Variants in CYB5R3 observed in about 807,000 individuals in gnomAD.
The protein encoded by CYB5R3 is NADH-cytochrome b5 reductase 3.
Under a neutral mutation model 36.5 loss-of-function variants are expected in CYB5R3, and 28 were observed. The ratio of observed to expected loss-of-function variants is 0.77; its 90% CI spans 0.57 to 1.05. CYB5R3 has a LOEUF of 1.05. Among genes scored for constraint, CYB5R3 ranks in the 50% least tolerant of loss-of-function variants. The pLI is 0.00. For synonymous variants in CYB5R3, 181 were observed against 159.8 expected, an observed-to-expected ratio of 1.13 and a Z score of -1.00; for missense variants, 474 against 408.9, an observed-to-expected ratio of 1.16 and a Z score of -1.37.
In CYB5R3 at chr22:42,631,808, AG is replaced by A. The variant is rs1928636734; in HGVS notation, c.154-359del. 1.1e-5 allele frequency: 4 copies of A among 355,872 alleles called. No individual in the cohort carries two copies. The South Asian group carries it at 1.2e-4, about 11-fold the overall frequency. The allele number at this position is 355,872 out of a possible 1,614,324, so 22.0% of individuals were successfully genotyped here. A position where few individuals can be genotyped will look rare whatever the true frequency, so the allele number is the denominator to read the frequency against. Reference sequence around the variant, plus strand: ...AGCTCAAGCAGTGGCCTGAAGGGGCAGGAAGAACTTGAGGGCTGGATGGGCA... The same window carrying A: ...AGCTCAAGCAGTGGCCTGAAGGGGCAGAAGAACTTGAGGGCTGGATGGGCA... On this transcript the variant is annotated intron_variant, in intron 2 of 8. Coordinates refer to ENST00000352397, the MANE Select transcript of CYB5R3 (RefSeq NM_000398.7).
At chr22:42,622,959 A>T (rs899475712) in intron 8 of CYB5R3, among the ~76,000 whole-genome samples, 1 of 152,230 alleles carries the variant, frequency 6.6e-6, no homozygotes, top group East Asian at 1.9e-4. Flanking sequence ...TGAAAAGCAG[A>T]GGCCCTGGCC....
Position 42,628,149 on chromosome 22 carries a change from C to T in CYB5R3, c.463+3G>A, listed in dbSNP as rs1928395369. The stretch of plus-strand genomic sequence containing the variant: ...GTAACCAAGGGATTCCGACCCGAAT[C>T]ACCTTTGCCCTGGTAGACCAGCAGC... On this transcript the variant is annotated splice_donor_region_variant and intron_variant, in intron 5 of 8. Transcript: ENST00000352397. The T allele has an allele frequency of 6.2e-7, 1 of 1,614,004 alleles. No individual in the cohort carries two copies. Among genetic ancestry groups the T allele is most frequent in the South Asian group, 1.1e-5 (1 of 91,050 alleles).
chr22:42,646,583 C>A, intron 1 of CYB5R3: 1 of 933,170 alleles, frequency 1.1e-6, no homozygotes, highest in Non-Finnish European at 1.3e-6. Flanking sequence ...CCCGGTCCTC[C>A]CCAGGTGCCA....
At chr22:42,631,634 G>C in intron 2 of CYB5R3, 184 bp from the exon 3 acceptor site, 1 of 642,440 alleles carries the variant, frequency 1.6e-6, no homozygotes, top group Non-Finnish European at 2.8e-6. Context: ...CGCTGCGTGT[G>C]AGGTGCTGAG....
intron 2 of CYB5R3, 70 bp from the exon 3 acceptor site, chr22:42,631,520 G>A (rs958121198): frequency 1.3e-4 from 175 of 1,351,184 alleles, no homozygotes; most frequent in African/African-American, 2.2e-4. Context: ...CCCAGGCCTC[G>A]GAGCCCCCAT....
At chr22:42,629,242 G>T (rs1467844005) in intron 4 of CYB5R3, among the ~76,000 whole-genome samples, 4 of 152,122 alleles carry the variant, frequency 2.6e-5, no homozygotes, top group African/African-American at 9.7e-5. Context: ...GCCCCGTCTG[G>T]CCCCACTGAC....
At chr22:42,643,606 A>G (rs938363386) in intron 1 of CYB5R3, among the ~76,000 whole-genome samples, 29 of 152,022 alleles carry the variant, frequency 1.9e-4, no homozygotes, top group African/African-American at 7.0e-4. Context: ...TATTTGACCC[A>G]TGGGTCTAAA....
intron 4 of CYB5R3, among the ~76,000 whole-genome samples, chr22:42,630,089 C>T (rs143480523): frequency 6.6e-6 from 1 of 152,186 alleles, no homozygotes; most frequent in East Asian, 1.9e-4. Flanking sequence ...AGCCACTGTG[C>T]CTGGCTGAAA....
intron 1 of CYB5R3, among the ~76,000 whole-genome samples, chr22:42,646,331 T>C (rs1033119038): frequency 2.6e-5 from 4 of 151,928 alleles, no homozygotes; most frequent in Non-Finnish European, 5.9e-5. Flanking sequence ...AGGGAACCCA[T>C]CACCCGCCTC....
rs1210856097 is a variant in CYB5R3, at chr22:42,631,471, G to A, written c.154-21C>T. ...ATGATCTGGAGAGAGGCCCAAAGCT[G>A]CTGAACGGTCCCCAGGGCAGAGGCC... On this transcript the variant is annotated intron_variant, in intron 2 of 8. Coordinates refer to ENST00000352397, the MANE Select transcript of CYB5R3 (RefSeq NM_000398.7). 3 of 1,551,202 alleles carry A rather than the reference G, an allele frequency of 1.9e-6. No individual in the cohort carries two copies. The Admixed American group carries it at 5.9e-5, about 30-fold the overall frequency.
chr22:42,627,715 G>A (rs768090441), intron 5 of CYB5R3, 27 bp from the exon 6 acceptor site: 23 of 1,553,100 alleles, frequency 1.5e-5, no homozygotes, highest in African/African-American at 6.8e-5. Context: ...GGTGAGGCCC[G>A]GCCATCAAAC....
chr22:42,630,768 G>T, intron 4 of CYB5R3, 114 bp downstream of exon 4: 1 of 914,196 alleles, frequency 1.1e-6, no homozygotes, highest in Non-Finnish European at 1.8e-6. Context: ...CCATGACCGA[G>T]GCTGGGCTGC....
intron 2 of CYB5R3, chr22:42,631,742 T>C (rs6002828): frequency 1.9e-6 from 1 of 516,626 alleles, no homozygotes; most frequent in Non-Finnish European, 3.5e-6. Context: ...AAAGGGAGGA[T>C]GCCAGACAGG....
chr22:42,625,403 G>A (rs1292388778), intron 7 of CYB5R3, among the ~76,000 whole-genome samples: 1 of 152,122 alleles, frequency 6.6e-6, no homozygotes, highest in African/African-American at 2.4e-5. Flanking sequence ...AGCTACTCAG[G>A]TAGCTGAGGC....
At position 42,627,566 on chromosome 22, in the gene CYB5R3, C is replaced by T. The variant is rs767336780; in HGVS notation, c.547+39G>A. The T allele has an allele frequency of 3.8e-6, 6 of 1,584,322 alleles. No homozygotes were observed. The South Asian group carries it at 5.5e-5, about 15-fold the overall frequency. On this transcript the variant is annotated intron_variant, in intron 6 of 8. Transcript: ENST00000352397. ...ACCCACACCCCAACCCCACCCTTAA[C>T]ATGAGCCGCCGGACGCCTCAGTGGG...
chr22:42,647,319 AAT>A (rs1458670314), intron 1 of CYB5R3, among the ~76,000 whole-genome samples: 1 of 152,164 alleles, frequency 6.6e-6, no homozygotes, highest in Non-Finnish European at 1.5e-5. Flanking sequence ...ATTCAACAGA[AAT>A]ATATGGAATG....
At chr22:42,635,867 G>C (rs1297916819) in intron 2 of CYB5R3, among the ~76,000 whole-genome samples, 1 of 152,196 alleles carries the variant, frequency 6.6e-6, no homozygotes, top group East Asian at 1.9e-4. Context: ...GCCTTTACTG[G>C]GGGCAAGGCA....
chr22:42,637,904 G>A (rs1329061105), intron 1 of CYB5R3, among the ~76,000 whole-genome samples: 2 of 152,164 alleles, frequency 1.3e-5, no homozygotes, highest in African/African-American at 2.4e-5. Context: ...ACACGGCCCT[G>A]AGGGGCTGTT....
At chr22:42,646,972 T>C in intron 1 of CYB5R3, 3 of 985,442 alleles carry the variant, frequency 3.0e-6, no homozygotes, top group South Asian at 4.7e-5. Flanking sequence ...CAAGCTCCAA[T>C]GTTTTCCCAG....
Sources: allele counts gnomAD v4.1 joint callset (sites outside exome capture counted in the v4.1 genomes callset), GRCh38; gene constraint gnomAD v4.1.1; transcripts MANE v1.5; gene names NCBI Gene and HGNC (gene_info 2026-07-23, HGNC 2026-07-21).